MTHFD2L: variants seen among roughly 807,000 people sequenced by gnomAD.
The protein encoded by MTHFD2L is methylenetetrahydrofolate dehydrogenase (NADP+ dependent) 2 like.
In MTHFD2L, 29 loss-of-function variants were observed where a neutral mutation model predicts 34.9. That is an observed-to-expected ratio of 0.83 (90% CI 0.62 to 1.13). The LOEUF (loss-of-function observed/expected upper bound fraction) is 1.13. Among genes scored for constraint, MTHFD2L ranks in the 50% most tolerant of loss-of-function variants. The probability of loss-of-function intolerance (pLI) is 0.00; values close to 1 mark genes in which losing one functional copy is unlikely to be tolerated. For missense variants in MTHFD2L, 481 were observed against 446.5 expected (o/e 1.08, Z -0.70); for synonymous variants, 167 against 155.7 (o/e 1.07, Z -0.54).
chr4:74,234,730 G>C (rs902062149), intron 6 of MTHFD2L, among the ~76,000 whole-genome samples: 3 of 151,880 alleles, frequency 2.0e-5, no homozygotes, highest in Non-Finnish European at 4.4e-5. Flanking sequence ...AATACAGCTT[G>C]CTAGTGCAAT....
chr4:74,269,315 A>G (rs537314509), intron 6 of MTHFD2L, among the ~76,000 whole-genome samples: 1 of 152,260 alleles, frequency 6.6e-6, no homozygotes, highest in South Asian at 2.1e-4. Flanking sequence ...GTTAGTGTAT[A>G]ATTATCTTTG....
chr4:74,136,285 G>A (rs1722924777), intron 1 of MTHFD2L, among the ~76,000 whole-genome samples: 1 of 152,064 alleles, frequency 6.6e-6, no homozygotes, highest in South Asian at 2.1e-4. Context: ...AAAGTTGTAG[G>A]ATACAAAATC....
intron 7 of MTHFD2L, among the ~76,000 whole-genome samples, chr4:74,285,493 G>A (rs1189360827): frequency 4.6e-5 from 7 of 151,650 alleles, no homozygotes; most frequent in East Asian, 1.9e-4. Flanking sequence ...AATTGCATTC[G>A]TTTTTTTAAA....
In MTHFD2L at chr4:74,216,094, A is replaced by G. The variant is rs564947579; in HGVS notation, c.713-9208A>G. On this transcript the variant is annotated intron_variant, in intron 5 of 7. Transcript: ENST00000325278. ...ATTTCTCCTAAGGGATTTTATAAAC[A>G]GAAAACTATAAAATAAATTGAATAA... Among the ~76,000 whole-genome samples, 67 of 152,026 alleles carry G rather than the reference A, an allele frequency of 4.4e-4. 2 individuals carry two copies. The highest frequency in any genetic ancestry group is 1.6e-3 in the African/African-American group (66 of 41,282).
intron 3 of MTHFD2L, among the ~76,000 whole-genome samples, chr4:74,192,647 C>T (rs1209690804): frequency 3.9e-5 from 6 of 152,214 alleles, no homozygotes; most frequent in Middle Eastern, 6.8e-3. Flanking sequence ...CCCAGACAGT[C>T]GCTATCTCTT....
chr4:74,150,037 G>A, intron 1 of MTHFD2L, among the ~76,000 whole-genome samples: 1 of 152,108 alleles, frequency 6.6e-6, no homozygotes, highest in African/African-American at 2.4e-5. Flanking sequence ...AATGGAAGAA[G>A]AGTAAGAGAG....
chr4:74,156,712 C>T (rs889082504), upstream of MTHFD2L: 1 of 152,196 alleles, frequency 6.6e-6, no homozygotes, highest in East Asian at 1.9e-4. Context: ...TCCTTGCCAG[C>T]ATTTCGTATT....
intron 1 of MTHFD2L, among the ~76,000 whole-genome samples, chr4:74,142,536 C>A (rs953549431): frequency 2.6e-5 from 4 of 152,226 alleles, no homozygotes; most frequent in African/African-American, 9.6e-5. Context: ...GCCTTTATAA[C>A]TGTGAGAAAT....
At chr4:74,246,763 A>T (rs1742519941) in intron 6 of MTHFD2L, among the ~76,000 whole-genome samples, 1 of 152,100 alleles carries the variant, frequency 6.6e-6, no homozygotes. Context: ...TGTTTTTCTC[A>T]GGTTTGTCAA....
intron 3 of MTHFD2L, chr4:74,180,680 T>C (rs900851210): frequency 4.4e-6 from 2 of 454,144 alleles, no homozygotes; most frequent in African/African-American, 4.0e-5. Context: ...GCCTTGTTTA[T>C]GTTCAGAAGC....
At position 74,246,361 on chromosome 4, in the gene MTHFD2L, G is replaced by T. The variant is rs1054496615; in HGVS notation, c.805+20967G>T. Among the ~76,000 whole-genome samples, 76 of 151,708 alleles carry T rather than the reference G, an allele frequency of 5.0e-4. 3 individuals are homozygous for T. On this transcript the variant is annotated intron_variant, in intron 6 of 7. Transcript: ENST00000325278. ...TCTTGTAAATTTGTTTGAGTTCATT[G>T]TAGATTCTGGATATTGGCCCTTTGT...
At chr4:74,247,105 C>G (rs1173165411) in intron 6 of MTHFD2L, among the ~76,000 whole-genome samples, 1 of 149,342 alleles carries the variant, frequency 6.7e-6, no homozygotes, top group Non-Finnish European at 1.5e-5. Context: ...TTCTTCCTAC[C>G]CATGAGCATG....
intron 3 of MTHFD2L, among the ~76,000 whole-genome samples, chr4:74,192,965 G>A (rs1037568050): frequency 6.6e-6 from 1 of 151,426 alleles, no homozygotes; most frequent in African/African-American, 2.4e-5. Context: ...TTTAATTGGT[G>A]GTATTTTTAT....
upstream of MTHFD2L, chr4:74,156,646 T>A (rs1488583643): frequency 6.6e-6 from 1 of 152,212 alleles, no homozygotes; most frequent in Non-Finnish European, 1.5e-5. Context: ...TCTTCCAAAG[T>A]GACTGAATCA....
chr4:74,142,965 G>A (rs552907187), intron 1 of MTHFD2L, among the ~76,000 whole-genome samples: 3 of 152,280 alleles, frequency 2.0e-5, no homozygotes, highest in Admixed American at 1.3e-4. Flanking sequence ...CCTGAAAAAG[G>A]TGTTGTCTGA....
intron 7 of MTHFD2L, among the ~76,000 whole-genome samples, chr4:74,285,232 C>G (rs1170894915): frequency 6.6e-6 from 1 of 151,826 alleles, no homozygotes; most frequent in African/African-American, 2.4e-5. Flanking sequence ...ACGAGATATA[C>G]CTACTGTAAA....
At chr4:74,177,690 C>T (rs1232912709) in intron 3 of MTHFD2L, among the ~76,000 whole-genome samples, 1 of 151,818 alleles carries the variant, frequency 6.6e-6, no homozygotes, top group Non-Finnish European at 1.5e-5. Context: ...AACAGCATGA[C>T]AGTTCCTCAA....
intron 7 of MTHFD2L, among the ~76,000 whole-genome samples, chr4:74,287,201 T>C (rs1182010670): frequency 6.6e-6 from 1 of 152,194 alleles, no homozygotes; most frequent in Non-Finnish European, 1.5e-5. Context: ...CTAGAGTTGC[T>C]TCCAGATATT....
chr4:74,209,349 CA>C (rs1274979030), intron 5 of MTHFD2L, among the ~76,000 whole-genome samples: 2 of 152,108 alleles, frequency 1.3e-5, no homozygotes, highest in Admixed American at 1.3e-4. Flanking sequence ...CCTTGCTCCC[CA>C]CCACCCAACA....
Sources: gnomAD v4.1 joint callset for allele counts (sites outside exome capture counted in the v4.1 genomes callset) on GRCh38, gnomAD v4.1.1 for gene constraint, MANE v1.5 for transcripts, NCBI Gene and HGNC (gene_info 2026-07-23, HGNC 2026-07-21) for gene names.